Variants in ZNF491 observed in about 807,000 individuals in gnomAD.
ZNF491 encodes zinc finger protein 491.
Under a neutral mutation model 34.7 loss-of-function variants are expected in ZNF491, and 22 were observed. The observed-to-expected ratio is 0.63, with a 90% CI of 0.45 to 0.90. The LOEUF (loss-of-function observed/expected upper bound fraction) is 0.90, where lower values mean the gene tolerates loss of function less well. Among genes scored for constraint, ZNF491 ranks in the 40% least tolerant of loss-of-function variants. The pLI, the probability that ZNF491 is intolerant of heterozygous loss-of-function variation, is 0.00. For missense variants in ZNF491, 559 were observed against 531.7 expected, an observed-to-expected ratio of 1.05 and a Z score of -0.51; for synonymous variants, 148 against 174.3, an observed-to-expected ratio of 0.85 and a Z score of 1.19.
chr19:11,806,401 G>T lies in ZNF491; in HGVS notation c.448G>T (p.Glu150Ter). The T allele has an allele frequency of 6.2e-7, 1 of 1,613,510 alleles. No individual in the cohort carries two copies. Among genetic ancestry groups the T allele is most frequent in the Non-Finnish European group, 8.5e-7 (1 of 1,179,790 alleles). ...TTGTCTCAGTTTATACCTTACCCAT[G>T]AACGAACTCACACTGGAGAGAAACG... Reference protein sequence around the residue: ...LDCLSLYLTHERTHTGEKRYE... With the variant: ...LDCLSLYLTH The change falls in exon 3 of 3, where the codon GAA becomes TAA. Residue 150 changes from glutamate to a stop codon, truncating the protein, a stop_gained. Transcript: ENST00000323169. LOFTEE classifies it high-confidence loss of function.
In ZNF491 at chr19:11,807,321, T is replaced by C. The variant is rs1368160696; in HGVS notation, c.*54T>C. 3 of 1,375,866 alleles carry C rather than the reference T, an allele frequency of 2.2e-6. No homozygotes were observed. The East Asian group carries it at 7.6e-5, about 35-fold the overall frequency. 85.2% of individuals were successfully genotyped at this position (1,375,866 alleles called of 1,614,324 possible). ...TAATAGAGACAGGGTCTCACTATCT[T>C]GTCCAGGTTGGTCTTGAACTCCTGG... is the stretch of plus-strand genomic sequence containing the variant. On this transcript the variant is annotated 3_prime_UTR_variant, in exon 3 of 3. Coordinates refer to ENST00000323169, the MANE Select transcript of ZNF491 (RefSeq NM_152356.4).
chr19:11,804,206 C>CA (rs71166629), intron 1 of ZNF491, among the ~76,000 whole-genome samples: 8,227 of 69,338 alleles, frequency 0.12, 950 homozygotes, highest in East Asian at 0.42. Flanking sequence ...CCATCTCAGA[C>CA]AAAAAAAAAA....
chr19:11,806,351 G>A lies in ZNF491; in HGVS notation c.398G>A (p.Cys133Tyr), dbSNP rs375847840. Residue 133 changes from cysteine (C) to tyrosine (Y), a missense_variant, in exon 3 of 3, where the codon TGT becomes TAT. Coordinates refer to ENST00000323169, the MANE Select transcript of ZNF491 (RefSeq NM_152356.4). ...VTHSGDGPYK[C>Y]KFCGKALDCL... ...CACAGTGGAGATGGACCTTATAAATGTAAGTTTTGTGGGAAAGCCTTGGAT... is the reference window on the plus strand; with the variant it reads ...CACAGTGGAGATGGACCTTATAAATATAAGTTTTGTGGGAAAGCCTTGGAT... The A allele has an allele frequency of 6.2e-7, 1 of 1,612,956 alleles. No individual in the cohort carries two copies. Among genetic ancestry groups the A allele is most frequent in the Non-Finnish European group, 8.5e-7 (1 of 1,179,584 alleles).
intron 2 of ZNF491, among the ~76,000 whole-genome samples, chr19:11,805,647 A>G (rs371190344): frequency 1.3e-5 from 2 of 152,278 alleles, no homozygotes; most frequent in South Asian, 4.1e-4. Flanking sequence ...CAAGAGCCCA[A>G]GATCAGCCTG....
intron 2 of ZNF491, among the ~76,000 whole-genome samples, chr19:11,805,409 CAAAAAAA>C (rs971587205): frequency 2.0e-4 from 10 of 48,994 alleles, no homozygotes; most frequent in South Asian, 7.6e-4. Flanking sequence ...AACTCCGTCT[CAAAAAAA>C]AAAAAAAAAA....
Position 11,798,557 on chromosome 19 carries a change from A to C in ZNF491, c.-304A>C, listed in dbSNP as rs977115295. 4 of 152,328 alleles carry C rather than the reference A, an allele frequency of 2.6e-5. No homozygotes were observed. Among genetic ancestry groups the C allele is most frequent in the Non-Finnish European group, 4.4e-5 (3 of 68,132 alleles). 9.4% of individuals were successfully genotyped at this position (152,328 alleles called of 1,614,324 possible). ...TCCGGGGAAGCAGAAGGCCGCACTCAGAGTCTCTGCACTCCTTTGTTGCTG... is the reference window on the plus strand; with the variant it reads ...TCCGGGGAAGCAGAAGGCCGCACTCCGAGTCTCTGCACTCCTTTGTTGCTG... On this transcript the variant is annotated 5_prime_UTR_variant, in exon 1 of 3. Transcript: ENST00000323169. This position sits in a 1 kb window ranked among gnomAD's most constrained non-coding sequence, Gnocchi z 4.0.
At position 11,806,703 on chromosome 19, in the gene ZNF491, AGCATTATCTC is replaced by A. The variant is rs753350617; in HGVS notation, c.753_762del (p.Ser253Ter). On this transcript the variant is annotated frameshift_variant, in exon 3 of 3. Coordinates refer to ENST00000323169, the MANE Select transcript of ZNF491 (RefSeq NM_152356.4). LOFTEE classifies it high-confidence loss of function. The stretch of plus-strand genomic sequence containing the variant: ...CCTATGAATGTAAACTATATGGGAA[AGCATTATCTC>A]GCCTTATAAGCTTTCGAAGACACAT... 25 of 1,613,716 alleles carry A rather than the reference AGCATTATCTC, an allele frequency of 1.5e-5. No homozygotes were observed. The highest frequency in any genetic ancestry group is 2.1e-5 in the Non-Finnish European group (25 of 1,179,940).
rs1975608319 is a variant in ZNF491, at chr19:11,806,158, A to C, written c.205A>C (p.Lys69Gln). 1 of 1,613,888 alleles carries C rather than the reference A, an allele frequency of 6.2e-7. No homozygotes were observed. The highest frequency in any genetic ancestry group is 1.7e-5 in the Admixed American group (1 of 59,994). ...DTGHQPHKCQKFLEKPYKHKQ... is the reference protein window; with the variant it reads ...DTGHQPHKCQQFLEKPYKHKQ... ...TGGACACCAACCACATAAGTGTCAGAAATTTTTAGAGAAGCCATATAAACA... is the reference window on the plus strand; with the variant it reads ...TGGACACCAACCACATAAGTGTCAGCAATTTTTAGAGAAGCCATATAAACA... Residue 69 changes from lysine to glutamine, a missense_variant, in exon 3 of 3, where the codon AAA becomes CAA. Coordinates refer to ENST00000323169, the MANE Select transcript of ZNF491 (RefSeq NM_152356.4).
chr19:11,804,491 C>T lies in ZNF491; in HGVS notation c.-133-51C>T, dbSNP rs1008370993. ...CTTCTTGGGAATAGAGTCTAGGCCC[C>T]CAGTGCTGTCACTCTCACCCATCCT... On this transcript the variant is annotated intron_variant, in intron 1 of 2. Transcript: ENST00000323169. 3.4e-6 allele frequency: 5 copies of T among 1,483,682 alleles called. No homozygotes were observed. The East Asian group carries it at 1.3e-4, about 40-fold the overall frequency. 91.9% of individuals were successfully genotyped at this position (1,483,682 alleles called of 1,614,324 possible). A position where few individuals can be genotyped will look rare whatever the true frequency, so the allele number is the denominator to read the frequency against.
chr19:11,806,130 C>T lies in ZNF491; in HGVS notation c.177C>T (p.Asp59=), dbSNP rs140117479. The change falls in exon 3 of 3, where the codon GAC becomes GAT. Residue 59 remains aspartate (D), a synonymous_variant. Transcript: ENST00000323169. ...YSSFNRNIRT[D]TGHQPHKCQK... Reference sequence around the variant, plus strand: ...CCTTTAATAGGAACATCAGAACTGACACTGGACACCAACCACATAAGTGTC... The same window carrying T: ...CCTTTAATAGGAACATCAGAACTGATACTGGACACCAACCACATAAGTGTC... 7.4e-6 allele frequency: 12 copies of T among 1,613,904 alleles called. No homozygotes were observed. In the East Asian group the frequency reaches 1.6e-4, roughly 21 times the overall value.
intron 2 of ZNF491, among the ~76,000 whole-genome samples, chr19:11,805,244 T>C (rs1444590751): frequency 6.6e-6 from 1 of 151,594 alleles, no homozygotes; most frequent in African/African-American, 2.4e-5. Flanking sequence ...ACCCTGTCGC[T>C]AGTAAAAGTA....
At chr19:11,804,788 C>A in intron 2 of ZNF491, 121 bp downstream of exon 2, 1 of 347,402 alleles carries the variant, frequency 2.9e-6, no homozygotes, top group Non-Finnish European at 4.7e-6. Context: ...TCAGGCATGG[C>A]TGCAGTGTCC....
intron 1 of ZNF491, 122 bp from the exon 2 acceptor site, chr19:11,804,420 G>T: frequency 7.8e-7 from 1 of 1,288,662 alleles, no homozygotes; most frequent in Non-Finnish European, 1.0e-6. Flanking sequence ...GAGGTCTGAT[G>T]ACAGAGGCAG....
intron 1 of ZNF491, among the ~76,000 whole-genome samples, chr19:11,803,714 G>C (rs1193298224): frequency 6.6e-6 from 1 of 152,194 alleles, no homozygotes; most frequent in Non-Finnish European, 1.5e-5. Context: ...GAAGTGTCCA[G>C]GCTCATCACT....
At chr19:11,800,051 C>T (rs1284967437) in intron 1 of ZNF491, among the ~76,000 whole-genome samples, 1 of 152,068 alleles carries the variant, frequency 6.6e-6, no homozygotes, top group Non-Finnish European at 1.5e-5. Flanking sequence ...GAATTTACAG[C>T]TAATAGGCAA....
chr19:11,804,212 A>G (rs1429486876), intron 1 of ZNF491, among the ~76,000 whole-genome samples: 1 of 150,578 alleles, frequency 6.6e-6, no homozygotes, highest in Non-Finnish European at 1.5e-5. Context: ...CAGACAAAAA[A>G]AAAAAAAAAA....
chr19:11,807,073 G>A lies in ZNF491; in HGVS notation c.1120G>A (p.Glu374Lys). 1 of 1,608,970 alleles carries A rather than the reference G, an allele frequency of 6.2e-7. No homozygotes were observed. Among genetic ancestry groups the A allele is most frequent in the Non-Finnish European group, 8.5e-7 (1 of 1,178,286 alleles). ...TTGTGTCAGCTCCTTTCATAGACAT[G>A]AAAGGACTCACGCTGGAGAAAAACC... is the stretch of plus-strand genomic sequence containing the variant. ...FHCVSSFHRH[E>K]RTHAGEKPYE... is the part of the protein sequence containing the mutation. Residue 374 changes from glutamate (E) to lysine (K), a missense_variant, in exon 3 of 3, where the codon GAA becomes AAA. Coordinates refer to ENST00000323169, the MANE Select transcript of ZNF491 (RefSeq NM_152356.4).
chr19:11,800,634 C>T (rs1975548837), intron 1 of ZNF491, among the ~76,000 whole-genome samples: 1 of 151,826 alleles, frequency 6.6e-6, no homozygotes, highest in South Asian at 2.1e-4. Context: ...GATTCCCCTG[C>T]CTCAGCCTCC....
At chr19:11,801,128 C>T (rs902831973) in intron 1 of ZNF491, among the ~76,000 whole-genome samples, 5 of 151,946 alleles carry the variant, frequency 3.3e-5, no homozygotes, top group Non-Finnish European at 5.9e-5. Context: ...CACTTGAGTC[C>T]AGAAGTTTAA....
Sources: allele counts gnomAD v4.1 joint callset (sites outside exome capture counted in the v4.1 genomes callset), GRCh38; gene constraint gnomAD v4.1.1; non-coding constraint Gnocchi (gnomAD v3.1); transcripts MANE v1.5; gene names NCBI Gene and HGNC (gene_info 2026-07-23, HGNC 2026-07-21).